The following RAB10 variants were observed in gnomAD, a reference collection of about 807,000 sequenced individuals.
RAB10 encodes ras-related protein Rab-10.
In RAB10, 5 loss-of-function variants were observed where a neutral mutation model predicts 25.7. The observed-to-expected ratio is 0.19, with a 90% CI of 0.10 to 0.41. The LOEUF (loss-of-function observed/expected upper bound fraction) is 0.41, where lower values mean the gene tolerates loss of function less well. Among genes scored for constraint, RAB10 ranks in the 10% least tolerant of loss-of-function variants. The pLI, the probability that RAB10 is intolerant of heterozygous loss-of-function variation, is 1.00. For missense variants in RAB10, 103 were observed against 245.8 expected (o/e 0.42, Z 3.89); for synonymous variants, 89 against 86.4 (o/e 1.03, Z -0.16).
rs1311473117 is a variant in RAB10, at chr2:26,136,197, T to G, written c.*1176T>G. ...TAGAATAAATCTCTTAACCTAAATT[T>G]GAGTAGTCTGCATTTTGGCAACTCC... On this transcript the variant is annotated 3_prime_UTR_variant, in exon 6 of 6. Transcript: ENST00000264710. 1 of 152,668 alleles carries G rather than the reference T, an allele frequency of 6.6e-6. No homozygotes were observed. Among genetic ancestry groups the G allele is most frequent in the Non-Finnish European group, 1.5e-5 (1 of 68,048 alleles). The allele number at this position is 152,668 out of a possible 1,614,324, so 9.5% of individuals were successfully genotyped here.
chr2:26,060,510 G>C (rs941049779), intron 1 of RAB10, among the ~76,000 whole-genome samples: 4 of 152,104 alleles, frequency 2.6e-5, no homozygotes, highest in African/African-American at 7.2e-5. Context: ...GCCAGGTCTC[G>C]ATCTCCTGAC....
At chr2:26,036,876 G>C (rs747891966) in intron 1 of RAB10, among the ~76,000 whole-genome samples, 1 of 151,820 alleles carries the variant, frequency 6.6e-6, no homozygotes, top group Non-Finnish European at 1.5e-5. Flanking sequence ...TGCAACCTCC[G>C]CCTCAGGGGT....
At chr2:26,060,246 C>T (rs934201375) in intron 1 of RAB10, among the ~76,000 whole-genome samples, 1 of 152,108 alleles carries the variant, frequency 6.6e-6, no homozygotes, top group Non-Finnish European at 1.5e-5. Context: ...ATATCTATTA[C>T]TCTTTCATTT....
intron 1 of RAB10, among the ~76,000 whole-genome samples, chr2:26,057,586 T>C (rs1435933852): frequency 2.7e-5 from 2 of 73,306 alleles, no homozygotes; most frequent in Admixed American, 2.9e-4. Context: ...AGTTAAAATT[T>C]GTTTTGTCCC....
intron 1 of RAB10, among the ~76,000 whole-genome samples, chr2:26,094,637 C>T (rs1574549185): frequency 6.6e-6 from 1 of 152,226 alleles, no homozygotes; most frequent in Middle Eastern, 3.4e-3. Context: ...TGGCTCACTG[C>T]AGCCTGCGCC....
Position 26,136,475 on chromosome 2 carries a change from T to C in RAB10, c.*1454T>C, listed in dbSNP as rs1400884758. ...TGGAAAAAGGACAACGAAAGGCTTT[T>C]CATGTAAAGATAAGATCTTTAGCTA... On this transcript the variant is annotated 3_prime_UTR_variant, in exon 6 of 6. Transcript: ENST00000264710. 1 of 152,666 alleles carries C rather than the reference T, an allele frequency of 6.6e-6. No homozygotes were observed. The highest frequency in any genetic ancestry group is 1.5e-5 in the Non-Finnish European group (1 of 68,048). The allele number at this position is 152,666 out of a possible 1,614,324, so 9.5% of individuals were successfully genotyped here.
intron 5 of RAB10, among the ~76,000 whole-genome samples, chr2:26,131,424 T>C (rs1364793574): frequency 1.3e-5 from 2 of 152,162 alleles, no homozygotes; most frequent in Non-Finnish European, 2.9e-5. Flanking sequence ...GTAGCAATTT[T>C]TTTTCATACA....
chr2:26,114,794 A>G (rs1051979481), intron 3 of RAB10, among the ~76,000 whole-genome samples: 11 of 151,504 alleles, frequency 7.3e-5, no homozygotes, highest in Non-Finnish European at 1.0e-4. Context: ...AGTTCCAGCT[A>G]TCTGGGAGGC....
intron 1 of RAB10, among the ~76,000 whole-genome samples, chr2:26,055,930 C>A (rs868868637): frequency 1.3e-5 from 2 of 151,504 alleles, no homozygotes; most frequent in Non-Finnish European, 2.9e-5. Context: ...GGGTCTCACT[C>A]TGTCACCCAG....
chr2:26,053,428 G>T (rs1044470374), intron 1 of RAB10, among the ~76,000 whole-genome samples: 5 of 152,172 alleles, frequency 3.3e-5, no homozygotes, highest in Admixed American at 1.3e-4. Context: ...TAGAACTGTA[G>T]TCTTAAATTT....
At chr2:26,060,310 T>C (rs1181731086) in intron 1 of RAB10, among the ~76,000 whole-genome samples, 1 of 152,178 alleles carries the variant, frequency 6.6e-6, no homozygotes, top group Non-Finnish European at 1.5e-5. Context: ...GTTTGTTTTT[T>C]CAGACGGAGT....
At chr2:26,050,024 T>G (rs781410048) in intron 1 of RAB10, among the ~76,000 whole-genome samples, 1 of 152,250 alleles carries the variant, frequency 6.6e-6, no homozygotes, top group Non-Finnish European at 1.5e-5. Context: ...TTATTAATTA[T>G]GCCTGGTTGC....
intron 1 of RAB10, among the ~76,000 whole-genome samples, chr2:26,047,153 C>G (rs1205896712): frequency 6.6e-6 from 1 of 152,134 alleles, no homozygotes; most frequent in South Asian, 2.1e-4. Context: ...GTATCCACCA[C>G]CATAGTCAAT....
intron 1 of RAB10, among the ~76,000 whole-genome samples, chr2:26,060,454 G>A (rs1336554011): frequency 6.6e-6 from 1 of 152,014 alleles, no homozygotes; most frequent in Admixed American, 6.6e-5. Flanking sequence ...CACCACATCT[G>A]GCTAATTTTT....
At chr2:26,087,860 A>G (rs1380935027) in intron 1 of RAB10, among the ~76,000 whole-genome samples, 2 of 152,240 alleles carry the variant, frequency 1.3e-5, no homozygotes, top group African/African-American at 4.8e-5. Context: ...CTATTATTAC[A>G]CAAAAGGATC....
chr2:26,130,478 C>CTT (rs72325138), intron 5 of RAB10, among the ~76,000 whole-genome samples: 1 of 144,908 alleles, frequency 6.9e-6, no homozygotes, highest in Non-Finnish European at 1.5e-5. Flanking sequence ...TGGTCTCTCT[C>CTT]TTTTTTTTTT....
intron 5 of RAB10, among the ~76,000 whole-genome samples, chr2:26,131,029 G>C (rs573284226): frequency 1.1e-4 from 15 of 136,146 alleles, no homozygotes. Context: ...ATCAGTCTTG[G>C]CTTTTTTTTT....
At chr2:26,129,268 CAAAAAAAAAA>C (rs58007291) in intron 5 of RAB10, among the ~76,000 whole-genome samples, 107,222 of 133,954 alleles carry the variant, frequency 0.8, 40,957 homozygotes, top group East Asian at 0.88. Flanking sequence ...GACTCCATCT[CAAAAAAAAAA>C]AAAAAAAAAA....
intron 1 of RAB10, among the ~76,000 whole-genome samples, chr2:26,092,261 CTGTGTGTGTGTGTGTG>C (rs56875863): frequency 0.067 from 8,764 of 130,804 alleles, 351 homozygotes; most frequent in East Asian, 0.14. Context: ...ATAGTGAGAG[CTGTGTGTGTGTGTGTG>C]TGTGTGTGTG....
Sources: gnomAD v4.1 joint callset for allele counts (sites outside exome capture counted in the v4.1 genomes callset) on GRCh38, gnomAD v4.1.1 for gene constraint, MANE v1.5 for transcripts, NCBI Gene and HGNC (gene_info 2026-07-23, HGNC 2026-07-21) for gene names.